CR1: variants seen among roughly 807,000 people sequenced by gnomAD.
CR1 encodes the protein complement receptor type 1.
CR1 carries 116 observed loss-of-function variants against 187.3 expected under a neutral mutation model. The observed-to-expected ratio is 0.62, with a 90% confidence interval of 0.53 to 0.72. The LOEUF (loss-of-function observed/expected upper bound fraction) is 0.72. CR1 is among the 30% of genes least tolerant of loss of function. CR1 has a pLI of 0.00. For missense variants in CR1, 1,731 were observed against 2,110.7 expected (o/e 0.82, Z 3.52); for synonymous variants, 576 against 747.1 (o/e 0.77, Z 3.73).
At chr1:207,588,985 G>A (rs1464603852) in intron 35 of CR1, among the ~76,000 whole-genome samples, 1 of 152,220 alleles carries the variant, frequency 6.6e-6, no homozygotes, top group Non-Finnish European at 1.5e-5. Flanking sequence ...GTAAACCAGA[G>A]GAGGGCAACA....
At position 207,580,405 on chromosome 1, in the gene CR1, C is replaced by G. The variant is rs368172549; in HGVS notation, c.5102C>G (p.Pro1701Arg). 1.9e-6 allele frequency: 3 copies of G among 1,613,840 alleles called. No homozygotes were observed. The highest frequency in any genetic ancestry group is 2.5e-6 in the Non-Finnish European group (3 of 1,179,820). Residue 1701 changes from proline to arginine, a missense_variant, in exon 30 of 47, where the codon CCG becomes CGG. By Grantham distance (103) the Pro-to-Arg change is moderately radical. Around this residue, in one of 5 missense-constraint regions of CR1, gnomAD observed 1,312 missense variants for 1,379.6 expected, o/e 0.95. Coordinates refer to ENST00000367049, the MANE Select transcript of CR1 (RefSeq NM_000651.6). ...TPQGDWSPEAPRCAVKSCDDF... is the reference protein window; with the variant it reads ...TPQGDWSPEARRCAVKSCDDF... ...CAGGGAGACTGGAGCCCTGAAGCCC[C>G]GAGATGTGCAGGTGCCTCAACTCTC...
chr1:207,603,934 T>C (rs1234203580), intron 35 of CR1, among the ~76,000 whole-genome samples: 1 of 152,152 alleles, frequency 6.6e-6, no homozygotes, highest in East Asian at 1.9e-4. Flanking sequence ...AGAGACAAGA[T>C]TTGCAGATTT....
chr1:207,515,617 A>G (rs1216464888), intron 4 of CR1, among the ~76,000 whole-genome samples: 2 of 152,080 alleles, frequency 1.3e-5, no homozygotes, highest in African/African-American at 4.8e-5. Flanking sequence ...TTGTTTTTGC[A>G]GGAAGGATTG....
chr1:207,588,915 G>T (rs546363897), intron 35 of CR1, 141 bp downstream of exon 35: 9 of 613,338 alleles, frequency 1.5e-5, no homozygotes, highest in Non-Finnish European at 2.3e-5. Flanking sequence ...GAGATGATAC[G>T]TTGGACATAG....
intron 35 of CR1, among the ~76,000 whole-genome samples, chr1:207,605,593 A>G (rs1159940946): frequency 6.6e-6 from 1 of 152,168 alleles, no homozygotes; most frequent in African/African-American, 2.4e-5. Flanking sequence ...GCTTAGTCAC[A>G]GCGAGCACAT....
chr1:207,609,511 A>G lies in CR1; in HGVS notation c.6118A>G (p.Lys2040Glu), dbSNP rs17047660. ...SPPPRCISTN[K>E]CTAPEVENAI... is the part of the protein sequence containing the mutation. ...TCCCCCTCGGTGTATTTCTACTAAT[A>G]AATGCACAGCTCCAGAAGTTGAAAA... The change falls in exon 37 of 47, where the codon AAA (lysine) becomes GAA (glutamate). Residue 2040 changes from lysine to glutamate, a missense_variant. Coordinates refer to ENST00000367049, the MANE Select transcript of CR1 (RefSeq NM_000651.6). The G allele has an allele frequency of 0.013, 21,339 of 1,613,850 alleles. 2,208 individuals carry two copies. In the African/African-American group the frequency reaches 0.24, roughly 18 times the overall value.
intron 23 of CR1, among the ~76,000 whole-genome samples, chr1:207,564,596 T>C (rs1243510293): frequency 1.3e-5 from 2 of 149,534 alleles, no homozygotes; most frequent in African/African-American, 5.1e-5. Context: ...AGGTCAGGAG[T>C]TGGAGACCAG....
chr1:207,519,993 A>G (rs959201651), intron 4 of CR1, among the ~76,000 whole-genome samples: 4 of 152,254 alleles, frequency 2.6e-5, no homozygotes, highest in African/African-American at 9.6e-5. Flanking sequence ...TAAACTACGT[A>G]AGGCTTTAGG....
At chr1:207,512,283 T>C (rs1172723697) in intron 4 of CR1, among the ~76,000 whole-genome samples, 1 of 152,182 alleles carries the variant, frequency 6.6e-6, no homozygotes, top group African/African-American at 2.4e-5. Flanking sequence ...CAAATGACCA[T>C]TATAAAGAAT....
At chr1:207,593,968 G>A (rs1661353596) in intron 35 of CR1, among the ~76,000 whole-genome samples, 2 of 152,222 alleles carry the variant, frequency 1.3e-5, no homozygotes, top group Non-Finnish European at 2.9e-5. Flanking sequence ...TGCTGGAGAG[G>A]ATGTGGAGAA....
chr1:207,633,338 C>T (rs1571622596), intron 46 of CR1, among the ~76,000 whole-genome samples: 1 of 152,026 alleles, frequency 6.6e-6, no homozygotes, highest in Non-Finnish European at 1.5e-5. Context: ...TAAAAATTAC[C>T]TGCAATAATC....
chr1:207,624,840 A>C (rs1486654690), intron 45 of CR1, among the ~76,000 whole-genome samples: 1 of 152,202 alleles, frequency 6.6e-6, no homozygotes, highest in East Asian at 1.9e-4. Flanking sequence ...AATTACTACT[A>C]CGTCTGAATT....
chr1:207,505,457 C>T (rs1659397121), intron 1 of CR1, among the ~76,000 whole-genome samples: 1 of 152,158 alleles, frequency 6.6e-6, no homozygotes, highest in Non-Finnish European at 1.5e-5. Context: ...AGCCACCACT[C>T]CTGCACCCCT....
chr1:207,556,639 G>T, intron 19 of CR1, among the ~76,000 whole-genome samples: 1 of 20,624 alleles, frequency 4.8e-5, no homozygotes, highest in African/African-American at 1.4e-4. Flanking sequence ...TCATACATGT[G>T]ATCTATATCA....
chr1:207,595,203 C>G (rs182397485), intron 35 of CR1, among the ~76,000 whole-genome samples: 70 of 148,352 alleles, frequency 4.7e-4, no homozygotes, highest in Admixed American at 4.0e-3. Context: ...CAGAATTCAT[C>G]AAGGACCAGA....
chr1:207,613,380 A>G (rs1661996574), intron 39 of CR1, among the ~76,000 whole-genome samples: 1 of 152,198 alleles, frequency 6.6e-6, no homozygotes, highest in South Asian at 2.1e-4. Flanking sequence ...GGTGGGCACA[A>G]CAGTGTAAAA....
chr1:207,623,585 AAAACAC>A (rs1558277044), intron 45 of CR1, among the ~76,000 whole-genome samples: 3 of 132,082 alleles, frequency 2.3e-5, no homozygotes, highest in Non-Finnish European at 4.7e-5. Context: ...ACTACATCTC[AAAACAC>A]ACACACACAC....
intron 39 of CR1, among the ~76,000 whole-genome samples, chr1:207,612,588 C>T (rs1661966699): frequency 1.3e-5 from 2 of 152,240 alleles, no homozygotes; most frequent in Admixed American, 1.3e-4. Flanking sequence ...GACAGCAATG[C>T]CCCTGCCCAG....
chr1:207,585,445 G>T (rs1661085356), intron 33 of CR1, among the ~76,000 whole-genome samples: 1 of 152,258 alleles, frequency 6.6e-6, no homozygotes, highest in Non-Finnish European at 1.5e-5. Flanking sequence ...CCACTCAGGG[G>T]GTAAGAAGCA....
Sources: allele counts gnomAD v4.1 joint callset (sites outside exome capture counted in the v4.1 genomes callset), GRCh38; gene constraint gnomAD v4.1.1; regional missense constraint gnomAD v4.1.1; transcripts MANE v1.5; gene names NCBI Gene and HGNC (gene_info 2026-07-23, HGNC 2026-07-21).